RBM23: variants seen among roughly 807,000 people sequenced by gnomAD.
RBM23 encodes the protein RNA binding motif protein 23.
Under a neutral mutation model 56.2 loss-of-function variants are expected in RBM23, and 53 were observed. That is an observed-to-expected ratio of 0.94 (90% CI 0.76 to 1.19). The LOEUF is 1.19. RBM23 is among the 50% of genes most tolerant of loss of function. The pLI, the probability that RBM23 is intolerant of heterozygous loss-of-function variation, is 0.00. For missense variants in RBM23, 642 were observed against 590.3 expected, an observed-to-expected ratio of 1.09 and a Z score of -0.91; for synonymous variants, 197 against 198.5, an observed-to-expected ratio of 0.99 and a Z score of 0.06.
At position 22,897,019 on chromosome 14, in the gene RBM23, C is replaced by T. The variant is rs1211271827; in HGVS notation, c.*4711G>A. ...GCAGCACTTTAGAAAGAAAGTATCA[C>T]AGGCTACCATGGTAACATCAGAAAG... On this transcript the variant is annotated 3_prime_UTR_variant, in exon 14 of 14. Coordinates refer to ENST00000359890, the MANE Select transcript of RBM23 (RefSeq NM_001077351.2). 3 of 152,224 alleles carry T rather than the reference C, an allele frequency of 2.0e-5. No individual in the cohort carries two copies. The highest frequency in any genetic ancestry group is 7.2e-5 in the African/African-American group (3 of 41,454). The allele number at this position is 152,224 out of a possible 1,614,324, so 9.4% of individuals were successfully genotyped here. A position where few individuals can be genotyped will look rare whatever the true frequency, so the allele number is the denominator to read the frequency against.
intron 10 of RBM23, chr14:22,903,228 TACTC>T (rs1181495045): frequency 1.0e-6 from 1 of 985,380 alleles, no homozygotes; most frequent in Non-Finnish European, 1.2e-6. Context: ...AGAAGGCCTT[TACTC>T]TCTAGTCCCT....
In RBM23 at chr14:22,900,416, T is replaced by C. The variant is rs911270945; in HGVS notation, c.*1314A>G. ...TAGTGCCATCTGCTGGAAAGATCTG[T>C]CATTAGGCACAGAGAAGGAGCCTGT... On this transcript the variant is annotated 3_prime_UTR_variant, in exon 14 of 14. Coordinates refer to ENST00000359890, the MANE Select transcript of RBM23 (RefSeq NM_001077351.2). 7.1e-6 allele frequency: 1 copy of C among 141,744 alleles called. No individual in the cohort carries two copies. Among genetic ancestry groups the C allele is most frequent in the Non-Finnish European group, 1.5e-5 (1 of 66,052 alleles). 8.8% of individuals were successfully genotyped at this position (141,744 alleles called of 1,614,324 possible).
chr14:22,909,624 A>G (rs749909042), intron 2 of RBM23, 29 bp from the exon 3 acceptor site: 6 of 1,559,382 alleles, frequency 3.8e-6, no homozygotes, highest in Non-Finnish European at 5.3e-6. Flanking sequence ...AAATGTCACA[A>G]GGTATAAGGT....
In RBM23 at chr14:22,902,299, A is replaced by G. The variant is rs538184186; in HGVS notation, c.1014T>C (p.His338=). Residue 338 remains histidine (H), a synonymous_variant, in exon 11 of 14, where the codon CAT becomes CAC. Transcript: ENST00000359890. ...ELAGRPMRVG[H]VTERLDGGTD... The stretch of plus-strand genomic sequence containing the variant: ...TGCCACCATCCAGTCGCTCAGTCAC[A>G]TGGCCAACCCTCATAGGTCGACCAG... 5.0e-6 allele frequency: 8 copies of G among 1,614,174 alleles called. No individual in the cohort carries two copies. The highest frequency in any genetic ancestry group is 1.6e-4 in the Middle Eastern group (1 of 6,062).
rs1466101008 is a variant in RBM23 at position 22,895,970 on chromosome 14, C to G, written c.*5760G>C. 6.6e-6 allele frequency: 1 copy of G among 152,156 alleles called. No individual in the cohort carries two copies. The highest frequency in any genetic ancestry group is 2.4e-5 in the African/African-American group (1 of 41,426). The allele number at this position is 152,156 out of a possible 1,614,324, so 9.4% of individuals were successfully genotyped here. A position where few individuals can be genotyped will look rare whatever the true frequency, so the allele number is the denominator to read the frequency against. ...GGGATCTGTTTTCCTGAAAACTAGGCAGGTTGTGTGTGACCCAAGACCTTG... is the reference window on the plus strand; with the variant it reads ...GGGATCTGTTTTCCTGAAAACTAGGGAGGTTGTGTGTGACCCAAGACCTTG... On this transcript the variant is annotated 3_prime_UTR_variant, in exon 14 of 14. Transcript: ENST00000359890.
chr14:22,901,684 T>C lies in RBM23; in HGVS notation c.*46A>G, dbSNP rs371000570. 1.3e-6 allele frequency: 2 copies of C among 1,599,658 alleles called. No homozygotes were observed. The highest frequency in any genetic ancestry group is 1.7e-6 in the Non-Finnish European group (2 of 1,166,960). The stretch of plus-strand genomic sequence containing the variant: ...GGGCCATGGAAGAGTAGATGTGAAG[T>C]GGCAGGATCCAGAGGCACAAGGAGG... On this transcript the variant is annotated 3_prime_UTR_variant, in exon 14 of 14. Transcript: ENST00000359890.
rs2040308965 is a variant in RBM23, at chr14:22,899,552, TG to T, written c.*2177del. On this transcript the variant is annotated 3_prime_UTR_variant, in exon 14 of 14. Coordinates refer to ENST00000359890, the MANE Select transcript of RBM23 (RefSeq NM_001077351.2). ...CCCACCACCATGCCCAGCTACTTTT[TG>T]TATTTCTAGTAGAGACAGAGTTTCA... 6.6e-6 allele frequency: 1 copy of T among 152,278 alleles called. No homozygotes were observed. The highest frequency in any genetic ancestry group is 2.4e-5 in the African/African-American group (1 of 41,450). The allele number at this position is 152,278 out of a possible 1,614,324, so 9.4% of individuals were successfully genotyped here.
rs984774486 is a variant in RBM23, at chr14:22,900,839, G to A, written c.*891C>T. The A allele has an allele frequency of 1.3e-5, 2 of 152,018 alleles. No homozygotes were observed. Among genetic ancestry groups the A allele is most frequent in the East Asian group, 3.9e-4 (2 of 5,192 alleles). 9.4% of individuals were successfully genotyped at this position (152,018 alleles called of 1,614,324 possible). A position where few individuals can be genotyped will look rare whatever the true frequency, so the allele number is the denominator to read the frequency against. On this transcript the variant is annotated 3_prime_UTR_variant, in exon 14 of 14. Coordinates refer to ENST00000359890, the MANE Select transcript of RBM23 (RefSeq NM_001077351.2). ...CACAGACACAAGGGTATAAAATCCA[G>A]TGAGAAGGGCTCACACATGCCCAGG...
chr14:22,902,221 A>G lies in RBM23; in HGVS notation c.1092T>C (p.Gly364=). 1 of 1,614,132 alleles carries G rather than the reference A, an allele frequency of 6.2e-7. No homozygotes were observed. The highest frequency in any genetic ancestry group is 8.5e-7 in the Non-Finnish European group (1 of 1,180,036). The change falls in exon 11 of 14, where the codon GGT becomes GGC. Residue 364 remains glycine (G), a synonymous_variant. Coordinates refer to ENST00000359890, the MANE Select transcript of RBM23 (RefSeq NM_001077351.2). ...GDQELDLGSA[G]GRFQLMAKLA... is the part of the protein sequence containing the mutation. Reference sequence around the variant, plus strand: ...GTTTTGCCATGAGCTGAAAACGTCCACCTGCTGATCCCAGATCCAGCTCCT... The same window carrying G: ...GTTTTGCCATGAGCTGAAAACGTCCGCCTGCTGATCCCAGATCCAGCTCCT...
At chr14:22,905,287 G>A (rs1192939910) in intron 7 of RBM23, 41 bp from the exon 8 acceptor site, 2 of 1,613,862 alleles carry the variant, frequency 1.2e-6, no homozygotes, top group Non-Finnish European at 1.7e-6. Context: ...AGGCATAAAG[G>A]GAGATACAAG....
Position 22,902,102 on chromosome 14 carries a change from A to T in RBM23, c.1127-3T>A. The T allele has an allele frequency of 6.2e-7, 1 of 1,607,710 alleles. No individual in the cohort carries two copies. The highest frequency in any genetic ancestry group is 1.1e-5 in the South Asian group (1 of 90,572). On this transcript the variant is annotated splice_polypyrimidine_tract_variant and splice_region_variant and intron_variant, in intron 11 of 13. Transcript: ENST00000359890. ...GCTTGGCAGTTGGATTCCAGCGCCT[A>T]AAAGGAAAAGAAAAGGTGGGATTAA...
At chr14:22,911,098 C>A (rs955638036) in intron 2 of RBM23, among the ~76,000 whole-genome samples, 5 of 152,202 alleles carry the variant, frequency 3.3e-5, no homozygotes, top group African/African-American at 7.2e-5. Flanking sequence ...GCACAGATTA[C>A]CAACACCACA....
intron 1 of RBM23, among the ~76,000 whole-genome samples, chr14:22,916,855 T>C (rs1594452616): frequency 6.6e-6 from 1 of 152,074 alleles, no homozygotes; most frequent in Non-Finnish European, 1.5e-5. Flanking sequence ...GGAAAATAGT[T>C]CTAAAAAGAA....
chr14:22,910,450 C>CAAAAAAAAAAAA (rs546748436), intron 2 of RBM23, among the ~76,000 whole-genome samples: 2 of 71,154 alleles, frequency 2.8e-5, no homozygotes, highest in Non-Finnish European at 4.7e-5. Context: ...AACTTCATCT[C>CAAAAAAAAAAAA]AAAAAAAAAA....
chr14:22,905,536 T>C (rs2041381866), intron 6 of RBM23, 70 bp downstream of exon 6: 6 of 1,597,420 alleles, frequency 3.8e-6, no homozygotes, highest in Non-Finnish European at 5.2e-6. Context: ...TACACATTCC[T>C]GTAATTTGGC....
In RBM23 at chr14:22,899,886, T is replaced by C. The variant is rs1171031084; in HGVS notation, c.*1844A>G. ...AACCTAACAGCAATTATCCATATTT[T>C]TAGCATAAGAAAGTCTTAGCATTTT... On this transcript the variant is annotated 3_prime_UTR_variant, in exon 14 of 14. Coordinates refer to ENST00000359890, the MANE Select transcript of RBM23 (RefSeq NM_001077351.2). 6.6e-6 allele frequency: 1 copy of C among 152,190 alleles called. No homozygotes were observed. The highest frequency in any genetic ancestry group is 1.5e-5 in the Non-Finnish European group (1 of 68,026). 9.4% of individuals were successfully genotyped at this position (152,190 alleles called of 1,614,324 possible).
rs1171028542 is a variant in RBM23 at position 22,904,927 on chromosome 14, T to C, written c.812A>G (p.His271Arg). The change falls in exon 9 of 14, where the codon CAC becomes CGC. Residue 271 changes from histidine to arginine, a missense_variant. His to Arg is a conservative substitution (Grantham distance 29, BLOSUM62 0). Transcript: ENST00000359890. ...GAGCATGTCTTCAGTGATATTGAAG[T>C]GCAGGGAACCCACATAGAGGCGCAT... ...GPMRLYVGSL[H>R]FNITEDMLRG... 1.2e-6 allele frequency: 2 copies of C among 1,614,110 alleles called. No individual in the cohort carries two copies. The highest frequency in any genetic ancestry group is 1.1e-5 in the South Asian group (1 of 91,094).
rs2138878936 is a variant in RBM23 at position 22,901,615 on chromosome 14, T to C, written c.*115A>G. ...GTGGCCCCAATTTCCTCAGAGACAATGTCCATGCCCTCAGGATGGCTTGGT... is the reference window on the plus strand; with the variant it reads ...GTGGCCCCAATTTCCTCAGAGACAACGTCCATGCCCTCAGGATGGCTTGGT... On this transcript the variant is annotated 3_prime_UTR_variant, in exon 14 of 14. Coordinates refer to ENST00000359890, the MANE Select transcript of RBM23 (RefSeq NM_001077351.2). 6.9e-7 allele frequency: 1 copy of C among 1,445,894 alleles called. No homozygotes were observed. Among genetic ancestry groups the C allele is most frequent in the Non-Finnish European group, 9.6e-7 (1 of 1,037,126 alleles). The allele number at this position is 1,445,894 out of a possible 1,614,324, so 89.6% of individuals were successfully genotyped here.
intron 1 of RBM23, among the ~76,000 whole-genome samples, chr14:22,918,400 T>A (rs55898715): frequency 0.57 from 84,438 of 149,236 alleles, 24,604 homozygotes; most frequent in East Asian, 0.79. Flanking sequence ...CTTAAAAAAA[T>A]AAAAAAAAAG....
Sources: allele counts gnomAD v4.1 joint callset (sites outside exome capture counted in the v4.1 genomes callset), GRCh38; gene constraint gnomAD v4.1.1; transcripts MANE v1.5; gene names NCBI Gene and HGNC (gene_info 2026-07-23, HGNC 2026-07-21).